Variants in MEF2A observed in about 807,000 individuals in gnomAD.
MEF2A encodes myocyte enhancer factor 2A.
In MEF2A, 28 loss-of-function variants were observed where a neutral mutation model predicts 55.8. The ratio of observed to expected loss-of-function variants is 0.50; its 90% CI spans 0.37 to 0.69. The LOEUF is 0.69. Among genes scored for constraint, MEF2A ranks in the 30% least tolerant of loss-of-function variants. MEF2A has a pLI of 0.00. For missense variants in MEF2A, 528 were observed against 626.2 expected, an observed-to-expected ratio of 0.84 and a Z score of 1.67; for synonymous variants, 239 against 227.1, an observed-to-expected ratio of 1.05 and a Z score of -0.47.
At chr15:99,634,828 C>T (rs2043507366) in intron 3 of MEF2A, among the ~76,000 whole-genome samples, 2 of 152,284 alleles carry the variant, frequency 1.3e-5, no homozygotes, top group East Asian at 3.9e-4. Context: ...GGGGCAAGGA[C>T]TATCTGAATT....
At chr15:99,692,045 C>T (rs982672203) in intron 8 of MEF2A, among the ~76,000 whole-genome samples, 1 of 152,170 alleles carries the variant, frequency 6.6e-6, no homozygotes, top group Non-Finnish European at 1.5e-5. Context: ...AATGATATGC[C>T]AGGTGTTCTC....
At chr15:99,613,126 A>G (rs751530751) in intron 2 of MEF2A, among the ~76,000 whole-genome samples, 2 of 152,222 alleles carry the variant, frequency 1.3e-5, no homozygotes, top group African/African-American at 2.4e-5. Flanking sequence ...ATATTGTAAT[A>G]TAATAAAACA....
intron 2 of MEF2A, among the ~76,000 whole-genome samples, chr15:99,622,292 A>G (rs2041315009): frequency 6.6e-6 from 1 of 152,186 alleles, no homozygotes; most frequent in Admixed American, 6.5e-5. Flanking sequence ...TTGGGATTTA[A>G]TTGGAGAGAT....
At chr15:99,640,639 C>T (rs2044723509) in intron 3 of MEF2A, among the ~76,000 whole-genome samples, 1 of 151,486 alleles carries the variant, frequency 6.6e-6, no homozygotes, top group Non-Finnish European at 1.5e-5. Flanking sequence ...TCACTGCAGC[C>T]TTGACCTCCT....
intron 1 of MEF2A, among the ~76,000 whole-genome samples, chr15:99,570,809 GA>G (rs11287766): frequency 0.11 from 15,019 of 136,780 alleles, 1,443 homozygotes; most frequent in African/African-American, 0.27. Context: ...TCTTCTTAAA[GA>G]AAAAAAAAAA....
At chr15:99,703,063 A>G (rs535778619) in intron 8 of MEF2A, among the ~76,000 whole-genome samples, 1 of 152,336 alleles carries the variant, frequency 6.6e-6, no homozygotes, top group South Asian at 2.1e-4. Flanking sequence ...AACCCCTTTT[A>G]AATACTGTTG....
At chr15:99,651,947 G>A (rs2046914955) in intron 4 of MEF2A, among the ~76,000 whole-genome samples, 1 of 152,170 alleles carries the variant, frequency 6.6e-6, no homozygotes, top group Non-Finnish European at 1.5e-5. Flanking sequence ...TGTGATTATT[G>A]ATGGATACCT....
chr15:99,650,157 A>G (rs557872141), intron 4 of MEF2A, among the ~76,000 whole-genome samples: 2 of 152,128 alleles, frequency 1.3e-5, no homozygotes, highest in Non-Finnish European at 2.9e-5. Context: ...TAAGCTTCAT[A>G]TTCAAGGTAA....
chr15:99,612,091 A>G (rs1335512813), intron 2 of MEF2A, among the ~76,000 whole-genome samples: 1 of 152,110 alleles, frequency 6.6e-6, no homozygotes, highest in Non-Finnish European at 1.5e-5. Flanking sequence ...GATAGTGGTA[A>G]TAGTTGCACT....
intron 7 of MEF2A, chr15:99,678,757 A>G (rs2052613974): frequency 4.7e-6 from 4 of 847,902 alleles, no homozygotes; most frequent in East Asian, 1.2e-4. Flanking sequence ...TCTAATGGAA[A>G]GACTGATTGA....
intron 1 of MEF2A, among the ~76,000 whole-genome samples, chr15:99,572,179 TC>T (rs1473599296): frequency 6.6e-6 from 1 of 152,148 alleles, no homozygotes; most frequent in Non-Finnish European, 1.5e-5. Context: ...GCTTTCTCCT[TC>T]TCATCATTCT....
At chr15:99,668,259 AGTTTG>A (rs1192242709) in intron 4 of MEF2A, among the ~76,000 whole-genome samples, 1 of 152,228 alleles carries the variant, frequency 6.6e-6, no homozygotes, top group African/African-American at 2.4e-5. Flanking sequence ...CCTTTAAATT[AGTTTG>A]GAACATGTAT....
chr15:99,606,242 G>A (rs1975073617), intron 2 of MEF2A, among the ~76,000 whole-genome samples: 1 of 151,866 alleles, frequency 6.6e-6, no homozygotes, highest in Admixed American at 6.6e-5. Flanking sequence ...GCAAACATCA[G>A]TTTAAGAATG....
chr15:99,588,936 T>A (rs1271284925), intron 1 of MEF2A, among the ~76,000 whole-genome samples: 1 of 152,218 alleles, frequency 6.6e-6, no homozygotes, highest in Non-Finnish European at 1.5e-5. Flanking sequence ...GATATTTTCT[T>A]TACATATTTT....
chr15:99,686,449 A>G (rs1264457023), intron 7 of MEF2A, among the ~76,000 whole-genome samples: 1 of 152,168 alleles, frequency 6.6e-6, no homozygotes, highest in African/African-American at 2.4e-5. Context: ...GTTTGTCTGA[A>G]AAAGACTCTC....
chr15:99,618,971 T>G (rs1196987817), intron 2 of MEF2A, among the ~76,000 whole-genome samples: 2 of 152,146 alleles, frequency 1.3e-5, no homozygotes, highest in African/African-American at 2.4e-5. Flanking sequence ...GTATACTGGA[T>G]CTAGGAAGAT....
intron 2 of MEF2A, among the ~76,000 whole-genome samples, chr15:99,616,337 T>G (rs942362407): frequency 3.3e-5 from 5 of 152,208 alleles, no homozygotes; most frequent in African/African-American, 9.6e-5. Context: ...GGGTTTTTTT[T>G]GTCAATAGTT....
intron 9 of MEF2A, among the ~76,000 whole-genome samples, chr15:99,703,760 C>A (rs1192072877): frequency 6.6e-6 from 1 of 151,960 alleles, no homozygotes; most frequent in East Asian, 1.9e-4. Context: ...TTGTAACACA[C>A]GATGTTGTGT....
chr15:99,688,693 C>T (rs2054774969), intron 7 of MEF2A, among the ~76,000 whole-genome samples: 1 of 152,126 alleles, frequency 6.6e-6, no homozygotes, highest in Non-Finnish European at 1.5e-5. Context: ...GGAGGTGGAG[C>T]TTGCAGTGAG....
Sources: gnomAD v4.1 joint callset for allele counts (sites outside exome capture counted in the v4.1 genomes callset) on GRCh38, gnomAD v4.1.1 for gene constraint, MANE v1.5 for transcripts, NCBI Gene and HGNC (gene_info 2026-07-23, HGNC 2026-07-21) for gene names.